SDC2: variants seen among roughly 807,000 people sequenced by gnomAD.
The protein encoded by SDC2 is syndecan 2.
A neutral mutation model predicts 22.2 loss-of-function variants in SDC2; 13 were observed. The ratio of observed to expected loss-of-function variants is 0.59; its 90% CI spans 0.38 to 0.93. The LOEUF is 0.93. Ranked by LOEUF, SDC2 falls within the 40% of genes least tolerant of loss-of-function variation. SDC2 has a pLI of 0.00. For missense variants in SDC2, 235 were observed against 246.8 expected (o/e 0.95, Z 0.32); for synonymous variants, 94 against 92.8 (o/e 1.01, Z -0.07).
intron 1 of SDC2, among the ~76,000 whole-genome samples, chr8:96,553,450 GTT>G (rs35596871): frequency 0.68 from 100,252 of 147,356 alleles, 35,628 homozygotes; most frequent in Non-Finnish European, 0.81. Flanking sequence ...AAAATTACAG[GTT>G]TTTTTTTTTT....
chr8:96,502,221 A>G (rs1370843090), intron 1 of SDC2, among the ~76,000 whole-genome samples: 1 of 152,014 alleles, frequency 6.6e-6, no homozygotes, highest in Non-Finnish European at 1.5e-5. Flanking sequence ...GTACAGGGGA[A>G]CTCCCATTTA....
chr8:96,580,977 C>T (rs1436079267), intron 1 of SDC2, among the ~76,000 whole-genome samples: 3 of 152,144 alleles, frequency 2.0e-5, no homozygotes, highest in Non-Finnish European at 2.9e-5. Flanking sequence ...CTAGTAGAAT[C>T]AGCTTTTTTT....
intron 4 of SDC2, 102 bp from the exon 5 acceptor site, chr8:96,609,283 T>TA: frequency 1.1e-6 from 1 of 948,036 alleles, no homozygotes; most frequent in Admixed American, 3.0e-5. Context: ...GTTTTCAAAT[T>TA]AAGCCTTTTA....
intron 1 of SDC2, among the ~76,000 whole-genome samples, chr8:96,558,645 C>T (rs987022258): frequency 6.6e-6 from 1 of 152,076 alleles, no homozygotes; most frequent in Non-Finnish European, 1.5e-5. Context: ...CAATTCTTTC[C>T]ATTGTAATCC....
chr8:96,531,424 A>G (rs114936392), intron 1 of SDC2, among the ~76,000 whole-genome samples: 3,122 of 152,272 alleles, frequency 0.021, 105 homozygotes, highest in African/African-American at 0.066. Context: ...GGACAACCTA[A>G]AGAATAAAAG....
At chr8:96,538,209 C>T (rs11991615) in intron 1 of SDC2, among the ~76,000 whole-genome samples, 3,892 of 152,222 alleles carry the variant, frequency 0.026, 167 homozygotes, top group African/African-American at 0.088. Flanking sequence ...ATCCACCCTC[C>T]TTAGCCTCCC....
intron 4 of SDC2, 60 bp downstream of exon 4, chr8:96,608,530 G>C: frequency 6.9e-7 from 1 of 1,448,228 alleles, no homozygotes. Flanking sequence ...GTTAGTCTAA[G>C]TGATATTCAA....
intron 1 of SDC2, among the ~76,000 whole-genome samples, chr8:96,501,777 G>GA (rs1221680406): frequency 3.9e-5 from 6 of 152,146 alleles, no homozygotes; most frequent in Non-Finnish European, 8.8e-5. Flanking sequence ...AGTTGAACGA[G>GA]AAAAACTCTC....
intron 1 of SDC2, among the ~76,000 whole-genome samples, chr8:96,535,224 G>C (rs371951985): frequency 9.9e-5 from 15 of 152,076 alleles, no homozygotes; most frequent in African/African-American, 3.1e-4. Context: ...GGCCAGGCTG[G>C]TCTTAGACTT....
intron 1 of SDC2, among the ~76,000 whole-genome samples, chr8:96,560,480 T>G (rs531871270): frequency 6.6e-6 from 1 of 152,344 alleles, no homozygotes; most frequent in South Asian, 2.1e-4. Flanking sequence ...ATGGTCTCAT[T>G]TTAATCTTTT....
chr8:96,573,741 T>C (rs1014531344), intron 1 of SDC2, among the ~76,000 whole-genome samples: 12 of 152,150 alleles, frequency 7.9e-5, no homozygotes, highest in Non-Finnish European at 1.2e-4. Flanking sequence ...CAAGCCCCTC[T>C]AATCTGTCAT....
chr8:96,590,556 A>G (rs1814763716), intron 1 of SDC2, among the ~76,000 whole-genome samples: 1 of 152,156 alleles, frequency 6.6e-6, no homozygotes, highest in Non-Finnish European at 1.5e-5. Flanking sequence ...CGTCCTAGGC[A>G]TGTTCATTCC....
intron 1 of SDC2, among the ~76,000 whole-genome samples, chr8:96,510,868 C>A (rs1279660597): frequency 6.6e-6 from 1 of 152,116 alleles, no homozygotes; most frequent in Non-Finnish European, 1.5e-5. Flanking sequence ...TCTTCGTTCT[C>A]CCCGTTAGGA....
chr8:96,553,040 A>G (rs1814052117), intron 1 of SDC2, among the ~76,000 whole-genome samples: 1 of 152,220 alleles, frequency 6.6e-6, no homozygotes, highest in African/African-American at 2.4e-5. Flanking sequence ...ATGTAATAAA[A>G]GTTTCAAATT....
intron 1 of SDC2, among the ~76,000 whole-genome samples, chr8:96,569,705 A>G (rs1406137656): frequency 2.6e-5 from 4 of 152,176 alleles, no homozygotes; most frequent in Non-Finnish European, 1.5e-5. Context: ...ATTTTTCAGT[A>G]ACCTATAAAG....
chr8:96,497,183 A>G (rs1025447026), intron 1 of SDC2, among the ~76,000 whole-genome samples: 1 of 152,182 alleles, frequency 6.6e-6, no homozygotes, highest in Non-Finnish European at 1.5e-5. Flanking sequence ...TCGGTGTATT[A>G]TGAAAGGCAG....
chr8:96,595,758 A>G (rs1027418430), intron 2 of SDC2, among the ~76,000 whole-genome samples: 10 of 152,226 alleles, frequency 6.6e-5, no homozygotes, highest in African/African-American at 2.4e-4. Context: ...TAGCAAATCA[A>G]CACAATGACT....
At chr8:96,518,174 G>C (rs2575738) in intron 1 of SDC2, among the ~76,000 whole-genome samples, 8 of 151,654 alleles carry the variant, frequency 5.3e-5, no homozygotes, top group Non-Finnish European at 1.0e-4. Flanking sequence ...CTGATTTTTC[G>C]AAGTTTTGTT....
chr8:96,587,158 A>C (rs1814700867), intron 1 of SDC2, among the ~76,000 whole-genome samples: 1 of 152,152 alleles, frequency 6.6e-6, no homozygotes, highest in African/African-American at 2.4e-5. Flanking sequence ...TCCTGACCTC[A>C]GGTGATCTGC....
Sources: allele counts gnomAD v4.1 joint callset (sites outside exome capture counted in the v4.1 genomes callset), GRCh38; gene constraint gnomAD v4.1.1; transcripts MANE v1.5; gene names NCBI Gene and HGNC (gene_info 2026-07-23, HGNC 2026-07-21).